The following HS6ST1 variants were observed in gnomAD, a reference collection of about 807,000 sequenced individuals.
HS6ST1 encodes the protein heparan sulfate 6-O-sulfotransferase 1.
A neutral mutation model predicts 25.2 loss-of-function variants in HS6ST1; 3 were observed. The ratio of observed to expected loss-of-function variants is 0.12; its 90% CI spans 0.05 to 0.31. HS6ST1 has a LOEUF of 0.31. Ranked by LOEUF, HS6ST1 falls within the 10% of genes least tolerant of loss-of-function variation. The pLI is 1.00. For synonymous variants in HS6ST1, 204 were observed against 275.1 expected, an observed-to-expected ratio of 0.74 and a Z score of 2.56; for missense variants, 310 against 609.6, an observed-to-expected ratio of 0.51 and a Z score of 5.18.
chr2:128,299,215 GCAC>G (rs1694085576), intron 1 of HS6ST1, among the ~76,000 whole-genome samples: 2 of 152,198 alleles, frequency 1.3e-5, no homozygotes, highest in South Asian at 4.1e-4. Flanking sequence ...TCCTTGCTCT[GCAC>G]CACAACTCCC....
chr2:128,276,840 C>T (rs1693703424), intron 1 of HS6ST1, among the ~76,000 whole-genome samples: 1 of 152,020 alleles, frequency 6.6e-6, no homozygotes, highest in Non-Finnish European at 1.5e-5. Flanking sequence ...TTCCAGGCGT[C>T]TTCAGCACTT....
chr2:128,274,963 CAAAAAA>C (rs56898137), intron 1 of HS6ST1, among the ~76,000 whole-genome samples: 1 of 51,238 alleles, frequency 2.0e-5, no homozygotes, highest in African/African-American at 7.6e-5. Context: ...GACTCCGTCT[CAAAAAA>C]AAAAAAAAAA....
intron 1 of HS6ST1, among the ~76,000 whole-genome samples, chr2:128,311,392 G>C (rs771733801): frequency 2.0e-5 from 3 of 152,108 alleles, no homozygotes; most frequent in Admixed American, 2.0e-4. Context: ...TCTGCCTCCC[G>C]CCTGAATCAT....
chr2:128,284,452 G>A (rs1444474879), intron 1 of HS6ST1, among the ~76,000 whole-genome samples: 4 of 151,232 alleles, frequency 2.6e-5, no homozygotes, highest in African/African-American at 9.7e-5. Flanking sequence ...CTTTGTCCCA[G>A]GTGCTGTGCA....
In HS6ST1 at chr2:128,307,839, T is replaced by C. The variant is rs1484973759; in HGVS notation, c.527+10198A>G. On this transcript the variant is annotated intron_variant, in intron 1 of 1. Transcript: ENST00000259241. ...CCTCTGACACACTCCTAGGGACACA[T>C]AGGGACCATGAGCGAGCACCGTGGC... 2.0e-5 allele frequency among the ~76,000 whole-genome samples: 3 copies of C among 152,068 alleles called. 1 individual carries two copies. The highest frequency in any genetic ancestry group is 4.4e-5 in the Non-Finnish European group (3 of 68,018).
chr2:128,269,179 G>A (rs538641045), intron 1 of HS6ST1, among the ~76,000 whole-genome samples: 9 of 152,290 alleles, frequency 5.9e-5, no homozygotes, highest in South Asian at 4.1e-4. Context: ...CAGAGAAGTC[G>A]CAGAGCCACA....
chr2:128,276,360 T>G lies in HS6ST1; in HGVS notation c.528-7490A>C, dbSNP rs530263310. On this transcript the variant is annotated intron_variant, in intron 1 of 1. Transcript: ENST00000259241. The stretch of plus-strand genomic sequence containing the variant: ...CATGTTGGCCAGGCTGGTCTCGAAC[T>G]CCTGACCTCAGGTGATTAGCCTGCC... Among the ~76,000 whole-genome samples, 214 of 152,344 alleles carry G rather than the reference T, an allele frequency of 1.4e-3. 1 individual carries two copies. Among genetic ancestry groups the G allele is most frequent in the Non-Finnish European group, 1.8e-3 (122 of 68,032 alleles).
At chr2:128,293,228 T>C (rs946031021) in intron 1 of HS6ST1, among the ~76,000 whole-genome samples, 1 of 152,268 alleles carries the variant, frequency 6.6e-6, no homozygotes, top group African/African-American at 2.4e-5. Context: ...CAGCCCGCTC[T>C]GAGCCAGGGG....
At chr2:128,307,568 C>A (rs1009450547) in intron 1 of HS6ST1, among the ~76,000 whole-genome samples, 1 of 152,196 alleles carries the variant, frequency 6.6e-6, no homozygotes, top group African/African-American at 2.4e-5. Context: ...AGAACGCTTA[C>A]GAACCAATAC....
chr2:128,285,032 C>T (rs1422012524), intron 1 of HS6ST1, among the ~76,000 whole-genome samples: 1 of 152,218 alleles, frequency 6.6e-6, no homozygotes, highest in Non-Finnish European at 1.5e-5. Flanking sequence ...GCACCCTGTG[C>T]TGCGACCCGA....
At chr2:128,289,452 CAA>C (rs1453274084) in intron 1 of HS6ST1, among the ~76,000 whole-genome samples, 1 of 152,344 alleles carries the variant, frequency 6.6e-6, no homozygotes, top group Non-Finnish European at 1.5e-5. Flanking sequence ...CTTCTGCAGC[CAA>C]AGTCTCCCAG....
intron 1 of HS6ST1, among the ~76,000 whole-genome samples, chr2:128,310,279 C>T (rs1253495763): frequency 1.3e-5 from 2 of 152,200 alleles, no homozygotes; most frequent in African/African-American, 2.4e-5. Flanking sequence ...GTGGAACTTG[C>T]GGCGTGTCAC....
intron 1 of HS6ST1, among the ~76,000 whole-genome samples, chr2:128,300,177 G>A (rs1694102173): frequency 1.3e-5 from 2 of 152,166 alleles, no homozygotes; most frequent in East Asian, 3.9e-4. Flanking sequence ...AGAACTACAG[G>A]CCCATCCCCA....
intron 1 of HS6ST1, among the ~76,000 whole-genome samples, chr2:128,303,552 C>T (rs1156320018): frequency 1.3e-5 from 2 of 152,256 alleles, no homozygotes; most frequent in Non-Finnish European, 2.9e-5. Context: ...CCTGTCTGGG[C>T]CCAGATGCTC....
intron 1 of HS6ST1, among the ~76,000 whole-genome samples, chr2:128,306,654 G>A (rs1170657735): frequency 6.6e-6 from 1 of 152,206 alleles, no homozygotes; most frequent in African/African-American, 2.4e-5. Flanking sequence ...TCCCAAGCCA[G>A]TGGGGGCATG....
chr2:128,304,510 C>T (rs1694178908), intron 1 of HS6ST1, among the ~76,000 whole-genome samples: 1 of 145,044 alleles, frequency 6.9e-6, no homozygotes. Flanking sequence ...CTGTAAGGCC[C>T]TGGCATCCCT....
At chr2:128,311,213 A>G (rs114704218) in intron 1 of HS6ST1, among the ~76,000 whole-genome samples, 3,259 of 152,310 alleles carry the variant, frequency 0.021, 125 homozygotes, top group African/African-American at 0.075. Context: ...TGAGTTTCTG[A>G]GAAGGCAAGA....
In HS6ST1 at chr2:128,267,801, G is replaced by A. The variant is rs1363968425; in HGVS notation, c.*361C>T. 8.2e-6 allele frequency: 3 copies of A among 367,878 alleles called. No individual in the cohort carries two copies. Among genetic ancestry groups the A allele is most frequent in the South Asian group, 3.4e-5 (1 of 29,624 alleles). 22.8% of individuals were successfully genotyped at this position (367,878 alleles called of 1,614,324 possible). A position where few individuals can be genotyped will look rare whatever the true frequency, so the allele number is the denominator to read the frequency against. On this transcript the variant is annotated 3_prime_UTR_variant, in exon 2 of 2. Transcript: ENST00000259241. ...CATAGTTGGTGAGGGACACACTCCC[G>A]GCCTGGCAGGTCCACTTTCCGCTGT...
At chr2:128,291,597 C>T (rs1693953441) in intron 1 of HS6ST1, among the ~76,000 whole-genome samples, 1 of 152,230 alleles carries the variant, frequency 6.6e-6, no homozygotes, top group Non-Finnish European at 1.5e-5. Context: ...GGACCTGGGT[C>T]CTCCACAGGC....
Sources: gnomAD v4.1 joint callset for allele counts (sites outside exome capture counted in the v4.1 genomes callset) on GRCh38, gnomAD v4.1.1 for gene constraint, MANE v1.5 for transcripts, NCBI Gene and HGNC (gene_info 2026-07-23, HGNC 2026-07-21) for gene names.